The following AHNAK2 variants were observed in gnomAD, a reference collection of about 807,000 sequenced individuals.
AHNAK2 encodes protein AHNAK2.
Under a neutral mutation model 30.7 loss-of-function variants are expected in AHNAK2, and 18 were observed. That is an observed-to-expected ratio of 0.59 (90% CI 0.41 to 0.87). AHNAK2 has a LOEUF of 0.87. Among genes scored for constraint, AHNAK2 ranks in the 40% least tolerant of loss-of-function variants. The pLI is 0.00. For missense variants in AHNAK2, 8,604 were observed against 7,373.0 expected (o/e 1.17, Z -6.11); for synonymous variants, 3,590 against 3,073.8 (o/e 1.17, Z -5.56).
At position 104,948,355 on chromosome 14, in the gene AHNAK2, G is replaced by C. The variant is rs368264330; in HGVS notation, c.7096C>G (p.Leu2366Val). 12 of 1,612,764 alleles carry C rather than the reference G, an allele frequency of 7.4e-6. No homozygotes were observed. The African/African-American group carries it at 1.3e-4, about 18-fold the overall frequency. Residue 2366 changes from leucine to valine, a missense_variant, in exon 7 of 7, where the codon CTC becomes GTC. Leu to Val is a conservative substitution (Grantham distance 32). Transcript: ENST00000333244. The part of the protein sequence containing the change: ...SMQGDLKTTD[L>V]SVQPPSADLE... ...TCAGCGGAAGGGGGCTGAACGCTGA[G>C]GTCAGTGGTCTTGAGGTCCCCCTGC... is the stretch of plus-strand genomic sequence containing the variant.
chr14:104,955,546 C>A lies in AHNAK2; in HGVS notation c.403G>T (p.Gly135Trp), dbSNP rs371561185. The part of the protein sequence containing the change: ...GYSVTGGGDQ[G>W]IFVKQVLKDS... ...TTCAGCACTTGCTTGACGAAGATCC[C>A]CTGGTCCCCACCACCTGTGACACTG... Residue 135 changes from glycine (G) to tryptophan (W), a missense_variant, in exon 5 of 7, where the codon GGG becomes TGG. Coordinates refer to ENST00000333244, the MANE Select transcript of AHNAK2 (RefSeq NM_138420.4). The A allele has an allele frequency of 8.9e-5, 144 of 1,613,584 alleles. No homozygotes were observed. The highest frequency in any genetic ancestry group is 1.3e-4 in the Admixed American group (8 of 59,986).
In AHNAK2 at chr14:104,954,795, G is replaced by GT; in HGVS notation, c.655dup (p.Thr219AsnfsTer5). 6.4e-7 allele frequency: 1 copy of GT among 1,560,920 alleles called. No individual in the cohort carries two copies. The highest frequency in any genetic ancestry group is 8.7e-7 in the Non-Finnish European group (1 of 1,154,496). ...CTCTCTGCACCCATCAGCAACATCC[G>GT]TGTCCTGAAACATAGGGAGAGGGAA... On this transcript the variant is annotated frameshift_variant, in exon 7 of 7. Coordinates refer to ENST00000333244, the MANE Select transcript of AHNAK2 (RefSeq NM_138420.4). LOFTEE classifies it low-confidence loss of function (END_TRUNC). This position sits in a 1 kb window ranked among gnomAD's most constrained non-coding sequence, Gnocchi z 4.3.
In AHNAK2 at chr14:104,951,342, T is replaced by G. The variant is rs1238137681; in HGVS notation, c.4109A>C (p.Asp1370Ala). The change falls in exon 7 of 7, where the codon GAC becomes GCC. Residue 1370 changes from aspartate to alanine, a missense_variant. Physicochemically the swap from Asp to Ala is moderately radical, Grantham distance 126. Coordinates refer to ENST00000333244, the MANE Select transcript of AHNAK2 (RefSeq NM_138420.4). ...AATGCTGAGGTCAGTGGTCTTGAGG[T>G]CCCCCTGCATGGAGGGGAGGCTCAT... ...ADMSLPSMQGDLKTTDLSIQP... is the reference protein window; with the variant it reads ...ADMSLPSMQGALKTTDLSIQP... 1 of 1,073,344 alleles carries G rather than the reference T, an allele frequency of 9.3e-7. No homozygotes were observed. The highest frequency in any genetic ancestry group is 2.1e-5 in the Admixed American group (1 of 48,416). 66.5% of individuals were successfully genotyped at this position (1,073,344 alleles called of 1,614,324 possible). A position where few individuals can be genotyped will look rare whatever the true frequency, so the allele number is the denominator to read the frequency against.
Position 104,953,442 on chromosome 14 carries a change from GT to G in AHNAK2, c.2008del (p.Thr670ProfsTer40), listed in dbSNP as rs1323370291. ...GGGCATTTTGAACTTGCTGTCTTTG[GT>G]GGCCACTTCCTTTTCTGTCAGAATT... ...EQILTEKEVA[T>X]KDSKFKMPKF... On this transcript the variant is annotated frameshift_variant, in exon 7 of 7. Transcript: ENST00000333244. LOFTEE classifies it low-confidence loss of function (END_TRUNC). The G allele has an allele frequency of 6.2e-7, 1 of 1,613,866 alleles. No homozygotes were observed. Among genetic ancestry groups the G allele is most frequent in the African/African-American group, 1.3e-5 (1 of 74,910 alleles).
In AHNAK2 at chr14:104,949,850, C is replaced by G. The variant is rs376227442; in HGVS notation, c.5601G>C (p.Lys1867Asn). The G allele has an allele frequency of 6.3e-7, 1 of 1,587,958 alleles. No individual in the cohort carries two copies. The highest frequency in any genetic ancestry group is 1.4e-5 in the African/African-American group (1 of 72,598). Reference protein sequence around the residue: ...VSLPSMQGDLKTTDLCIPLPS... With the variant: ...VSLPSMQGDLNTTDLCIPLPS... ...GGAGCGGAATGCAGAGGTCCGTGGT[C>G]TTGAGGTCCCCCTGCATGGAGGGGA... The change falls in exon 7 of 7, where the codon AAG becomes AAC. Residue 1867 changes from lysine (K) to asparagine (N), a missense_variant. Transcript: ENST00000333244.
chr14:104,955,238 TA>T (rs1219654810), intron 5 of AHNAK2, 97 bp from the exon 6 acceptor site: 13 of 1,415,776 alleles, frequency 9.2e-6, no homozygotes, highest in African/African-American at 5.7e-5. Flanking sequence ...GGGACATGAA[TA>T]GGGGGAATCC....
In AHNAK2 at chr14:104,952,921, C is replaced by G; in HGVS notation, c.2530G>C (p.Gly844Arg). ...ATGGACTTGCCTGGGGCCGACACCC[C>G]GAATGATGGCATCTTGAACTTGGGC... ...KMPKFKMPSFGVSAPGKSMED... is the reference protein window; with the variant it reads ...KMPKFKMPSFRVSAPGKSMED... Residue 844 changes from glycine (G) to arginine (R), a missense_variant, in exon 7 of 7, where the codon GGG (glycine) becomes CGG (arginine). Physicochemically the swap from Gly to Arg is moderately radical, Grantham distance 125 (BLOSUM62 -2). Transcript: ENST00000333244. 1 of 1,612,002 alleles carries G rather than the reference C, an allele frequency of 6.2e-7. No individual in the cohort carries two copies. Among genetic ancestry groups the G allele is most frequent in the Non-Finnish European group, 8.5e-7 (1 of 1,179,426 alleles).
Position 104,944,844 on chromosome 14 carries a change from T to A in AHNAK2, c.10607A>T (p.Gln3536Leu). The change falls in exon 7 of 7, where the codon CAA (glutamine) becomes CTA (leucine). Residue 3536 changes from glutamine to leucine, a missense_variant. Transcript: ENST00000333244. ...PSADLEVQAV[Q>L]VDVELLEGPV... ...GCCCTCCAGGAGTTCCACATCCACT[T>A]GGACAGCCTGGACCTCCAGGTCAGC... 6.2e-7 allele frequency: 1 copy of A among 1,612,626 alleles called. No individual in the cohort carries two copies. Among genetic ancestry groups the A allele is most frequent in the African/African-American group, 1.3e-5 (1 of 74,754 alleles).
In AHNAK2 at chr14:104,943,945, C is replaced by T. The variant is rs969445196; in HGVS notation, c.11506G>A (p.Asp3836Asn). ...VHVSAPKVEA[D>N]VSLPSMQGDL... ...CCCTGCATGGAGGGGAGACTCACAT[C>T]GGCCTCCACCTTGGGTGCAGACACG... is the stretch of plus-strand genomic sequence containing the variant. The change falls in exon 7 of 7, where the codon GAT becomes AAT. Residue 3836 changes from aspartate to asparagine, a missense_variant. Transcript: ENST00000333244. The T allele has an allele frequency of 7.4e-6, 12 of 1,612,728 alleles. No homozygotes were observed. Among genetic ancestry groups the T allele is most frequent in the East Asian group, 2.2e-5 (1 of 44,752 alleles).
In AHNAK2 at chr14:104,939,267, G is replaced by A. The variant is rs767848166; in HGVS notation, c.16184C>T (p.Ser5395Phe). Residue 5395 changes from serine to phenylalanine, a missense_variant, in exon 7 of 7, where the codon TCC (serine) becomes TTC (phenylalanine). Transcript: ENST00000333244. ...KFPKLMVPRF[S>F]FPAPSSEDDV... ...ATCCTCTGAGCTGGGGGCAGGGAAGGAGAACCTTGGTACCATTAATTTGGG... is the reference window on the plus strand; with the variant it reads ...ATCCTCTGAGCTGGGGGCAGGGAAGAAGAACCTTGGTACCATTAATTTGGG... 8 of 1,613,898 alleles carry A rather than the reference G, an allele frequency of 5.0e-6. No homozygotes were observed. The South Asian group carries it at 8.8e-5, about 18-fold the overall frequency.
rs1389220669 is a variant in AHNAK2, at chr14:104,945,410, C to A, written c.10041G>T (p.Met3347Ile). 1.9e-6 allele frequency: 3 copies of A among 1,613,254 alleles called. No homozygotes were observed. Among genetic ancestry groups the A allele is most frequent in the African/African-American group, 2.7e-5 (2 of 74,776 alleles). Residue 3347 changes from methionine (M) to isoleucine (I), a missense_variant, in exon 7 of 7, where the codon ATG becomes ATT. Coordinates refer to ENST00000333244, the MANE Select transcript of AHNAK2 (RefSeq NM_138420.4). The part of the protein sequence containing the change: ...KAEADVSLPS[M>I]QGDLKTTDLS... ...GGTCAGTGGTCTTGAGGTCCCCCTG[C>A]ATGGAGGGGAGGCTCACGTCGGCCT... is the stretch of plus-strand genomic sequence containing the variant.
Position 104,939,426 on chromosome 14 carries a change from T to C in AHNAK2, c.16025A>G (p.Asp5342Gly). ...CTGGGAAGACCATTTCTCTGTTTTA[T>C]CCTCCATGCTGGCAAGGTCATGTCC... ...KPGHDLASME[D>G]KTEKWSSQPE... Residue 5342 changes from aspartate to glycine, a missense_variant, in exon 7 of 7, where the codon GAT (aspartate) becomes GGT (glycine). Transcript: ENST00000333244. The C allele has an allele frequency of 6.2e-7, 1 of 1,613,532 alleles. No individual in the cohort carries two copies. Among genetic ancestry groups the C allele is most frequent in the Non-Finnish European group, 8.5e-7 (1 of 1,179,836 alleles).
rs771433448 is a variant in AHNAK2 at position 104,945,165 on chromosome 14, A to G, written c.10286T>C (p.Val3429Ala). The change falls in exon 7 of 7, where the codon GTC (valine) becomes GCC (alanine). Residue 3429 changes from valine (V) to alanine (A), a missense_variant. Coordinates refer to ENST00000333244, the MANE Select transcript of AHNAK2 (RefSeq NM_138420.4). ...GGGCAGAGACACCTCCACATCAGGG[A>G]CTGTCACTTCCGCCTTGGGGACTTT... The part of the protein sequence containing the change: ...DLKVPKAEVT[V>A]PDVEVSLPSV... 1.1e-5 allele frequency: 18 copies of G among 1,611,758 alleles called. No homozygotes were observed. Among genetic ancestry groups the G allele is most frequent in the African/African-American group, 6.7e-5 (5 of 74,102 alleles).
intron 3 of AHNAK2, among the ~76,000 whole-genome samples, chr14:104,957,118 G>C (rs544352487): frequency 3.9e-5 from 6 of 152,224 alleles, no homozygotes; most frequent in Non-Finnish European, 7.3e-5. Context: ...ACAGGTGCAG[G>C]GATGCACACA....
chr14:104,942,647 G>T lies in AHNAK2; in HGVS notation c.12804C>A (p.Val4268=), dbSNP rs150499924. ...TGTCCAGCTTGGCTCCCGGGGCCTC[G>T]ACGTCCACCTCCATGCTGGGCAGAG... The part of the protein sequence containing the change: ...EVSLPSMEVD[V]EAPGAKLDSV... Residue 4268 remains valine, a synonymous_variant, in exon 7 of 7, where the codon GTC becomes GTA. Transcript: ENST00000333244. The T allele has an allele frequency of 6.2e-7, 1 of 1,613,290 alleles. No individual in the cohort carries two copies. Among genetic ancestry groups the T allele is most frequent in the African/African-American group, 1.3e-5 (1 of 74,810 alleles).
rs1312215792 is a variant in AHNAK2 at position 104,937,752 on chromosome 14, A to G, written c.*311T>C. 6.2e-6 allele frequency: 2 copies of G among 320,746 alleles called. No individual in the cohort carries two copies. Among genetic ancestry groups the G allele is most frequent in the African/African-American group, 4.2e-5 (2 of 47,158 alleles). The allele number at this position is 320,746 out of a possible 1,614,324, so 19.9% of individuals were successfully genotyped here. ...TTGGGTATTATGGACAGGTCTCTGG[A>G]AATTTATCTAATAAAGACCAACAAA... is the stretch of plus-strand genomic sequence containing the variant. On this transcript the variant is annotated 3_prime_UTR_variant, in exon 7 of 7. Coordinates refer to ENST00000333244, the MANE Select transcript of AHNAK2 (RefSeq NM_138420.4).
chr14:104,977,313 G>GC (rs1231259407), intron 1 of AHNAK2, among the ~76,000 whole-genome samples: 1 of 152,162 alleles, frequency 6.6e-6, no homozygotes, highest in Admixed American at 6.5e-5. Context: ...GGACTGCCCT[G>GC]CCCCCCTCAG....
rs114745830 is a variant in AHNAK2, at chr14:104,948,827, G to A, written c.6624C>T (p.Ala2208=). ...CCTGGCCAGCCTGGACCTTCACGTCGGCGGAAAGGGGCTGAATGCTGAGGT... is the reference window on the plus strand; with the variant it reads ...CCTGGCCAGCCTGGACCTTCACGTCAGCGGAAAGGGGCTGAATGCTGAGGT... ...TTDLSIQPLS[A]DVKVQAGQVD... Residue 2208 remains alanine, a synonymous_variant, in exon 7 of 7, where the codon GCC becomes GCT. Coordinates refer to ENST00000333244, the MANE Select transcript of AHNAK2 (RefSeq NM_138420.4). 1,875 of 1,606,626 alleles carry A rather than the reference G, an allele frequency of 1.2e-3. 55 individuals are homozygous for A. The African/African-American group carries it at 0.021, about 18-fold the overall frequency.
intron 1 of AHNAK2, among the ~76,000 whole-genome samples, chr14:104,964,736 G>A (rs1899251314): frequency 6.6e-6 from 1 of 152,256 alleles, no homozygotes; most frequent in Non-Finnish European, 1.5e-5. Flanking sequence ...CCAGCTCACA[G>A]TCAGGCTCAG....
Sources: allele counts gnomAD v4.1 joint callset (sites outside exome capture counted in the v4.1 genomes callset), GRCh38; gene constraint gnomAD v4.1.1; non-coding constraint Gnocchi (gnomAD v3.1); transcripts MANE v1.5; gene names NCBI Gene and HGNC (gene_info 2026-07-23, HGNC 2026-07-21).